The following SYNE1 variants were observed in gnomAD, a reference collection of about 807,000 sequenced individuals.
SYNE1 encodes the protein spectrin repeat containing nuclear envelope protein 1.
In SYNE1, 616 loss-of-function variants were observed where a neutral mutation model predicts 1,111.0. The observed-to-expected ratio is 0.55, with a 90% confidence interval of 0.52 to 0.59. The LOEUF (loss-of-function observed/expected upper bound fraction) is 0.59. Ranked by LOEUF, SYNE1 falls within the 20% of genes least tolerant of loss-of-function variation. The pLI is 0.00. For missense variants in SYNE1, 10,006 were observed against 10,417.0 expected (o/e 0.96, Z 1.72); for synonymous variants, 3,855 against 3,825.8 (o/e 1.01, Z -0.28).
chr6:152,633,214 T>A (rs1263449165), intron 2 of SYNE1, among the ~76,000 whole-genome samples: 1 of 152,188 alleles, frequency 6.6e-6, no homozygotes, highest in Non-Finnish European at 1.5e-5. Context: ...AATTGGAGAA[T>A]TTGATGGACA....
chr6:152,175,520 G>T (rs1468748171), intron 130 of SYNE1, among the ~76,000 whole-genome samples: 1 of 152,108 alleles, frequency 6.6e-6, no homozygotes, highest in Non-Finnish European at 1.5e-5. Context: ...TCTCCTAATT[G>T]CCATGAAGAA....
chr6:152,240,539 C>G (rs935192476), intron 107 of SYNE1, among the ~76,000 whole-genome samples: 6 of 152,126 alleles, frequency 3.9e-5, no homozygotes, highest in African/African-American at 1.4e-4. Context: ...TATAATAGAC[C>G]CTGGAGAATG....
chr6:152,164,428 G>A, intron 130 of SYNE1, 103 bp from the exon 131 acceptor site: 2 of 1,397,190 alleles, frequency 1.4e-6, no homozygotes, highest in Non-Finnish European at 2.0e-6. Context: ...TTTTTAGGCA[G>A]AGTTAGAAAC....
intron 3 of SYNE1, among the ~76,000 whole-genome samples, chr6:152,595,044 C>A (rs1372704874): frequency 1.3e-5 from 2 of 152,168 alleles, no homozygotes; most frequent in Admixed American, 1.3e-4. Flanking sequence ...CAGCCATCCT[C>A]TTCTCCTGTT....
intron 123 of SYNE1, among the ~76,000 whole-genome samples, chr6:152,212,090 G>A (rs112687520): frequency 0.014 from 2,096 of 151,928 alleles, 42 homozygotes; most frequent in African/African-American, 0.047. Flanking sequence ...AAGGTCCTTC[G>A]AATTATTTCT....
Position 152,455,432 on chromosome 6 carries a change from T to C in SYNE1, c.2886A>G (p.Arg962=), listed in dbSNP as rs781553464. Residue 962 remains arginine (R), a synonymous_variant, in exon 24 of 146, where the codon AGA becomes AGG. Transcript: ENST00000367255. ...EKGDPEELLR[R]HTEFFSQLDQ... Reference sequence around the variant, plus strand: ...CCCTAAAGGGTGGACTCACAGTGTGTCTCCGCAGGAGCTCCTCTGGATCCC... The same window carrying C: ...CCCTAAAGGGTGGACTCACAGTGTGCCTCCGCAGGAGCTCCTCTGGATCCC... 6.8e-6 allele frequency: 11 copies of C among 1,613,890 alleles called. No individual in the cohort carries two copies. The Admixed American group carries it at 1.3e-4, about 20-fold the overall frequency.
At chr6:152,297,995 CT>C (rs2094972852) in intron 93 of SYNE1, among the ~76,000 whole-genome samples, 1 of 152,104 alleles carries the variant, frequency 6.6e-6, no homozygotes, top group Admixed American at 6.5e-5. Flanking sequence ...AAAGTCAATA[CT>C]TGATGTAGTG....
In SYNE1 at chr6:152,233,979, A is replaced by T. The variant is rs2083385032; in HGVS notation, c.20530-16T>A. The T allele has an allele frequency of 6.2e-7, 1 of 1,613,194 alleles. No individual in the cohort carries two copies. Among genetic ancestry groups the T allele is most frequent in the Non-Finnish European group, 8.5e-7 (1 of 1,179,738 alleles). ...TAGAAAACTCCTGAAACAAGTAGCGATGTTCAAATTAGGGTTAAATAGCTA... is the reference window on the plus strand; with the variant it reads ...TAGAAAACTCCTGAAACAAGTAGCGTTGTTCAAATTAGGGTTAAATAGCTA... On this transcript the variant is annotated splice_polypyrimidine_tract_variant and intron_variant, in intron 111 of 145. Transcript: ENST00000367255.
chr6:152,235,920 T>C (rs2083916359), intron 110 of SYNE1, among the ~76,000 whole-genome samples, 187 bp downstream of exon 110: 3 of 152,066 alleles, frequency 2.0e-5, no homozygotes, highest in Admixed American at 1.3e-4. Context: ...TTGTAATTTT[T>C]TTGTAGAGAT....
At chr6:152,635,432 A>G (rs923789206) in intron 2 of SYNE1, among the ~76,000 whole-genome samples, 7 of 152,204 alleles carry the variant, frequency 4.6e-5, no homozygotes, top group Non-Finnish European at 1.0e-4. Flanking sequence ...GAAAAAATAG[A>G]TATGTATTTT....
rs138650597 is a variant in SYNE1, at chr6:152,334,187, C to T, written c.12615G>A (p.Ser4205=). 120 of 1,614,002 alleles carry T rather than the reference C, an allele frequency of 7.4e-5. No homozygotes were observed. Among genetic ancestry groups the T allele is most frequent in the Admixed American group, 3.5e-4 (21 of 59,996 alleles). ...KVNKLTKKEE[S]PEHKEINHLN... is the part of the protein sequence containing the mutation. ...AATGATTTATTTCCTTGTGTTCAGG[C>T]GATTCCTCCTTCTTTGTTAACTTAT... The change falls in exon 77 of 146, where the codon TCG becomes TCA. Residue 4205 remains serine, a synonymous_variant. Transcript: ENST00000367255.
Position 152,325,089 on chromosome 6 carries a change from T to G in SYNE1, c.15652A>C (p.Asn5218His). ...DAVDEWTGFN[N>H]KVKKATEMID... ...CCATGGACAGTGGAAACTACCTTGT[T>G]GTTAAAGCCCGTCCACTCATCCACT... is the stretch of plus-strand genomic sequence containing the variant. The change falls in exon 81 of 146, where the codon AAC (asparagine) becomes CAC (histidine). Residue 5218 changes from asparagine (N) to histidine (H), a missense_variant. This residue lies in a region of SYNE1 where 4,955 missense variants were observed against 5,017.2 expected (regional missense o/e 0.99). Coordinates refer to ENST00000367255, the MANE Select transcript of SYNE1 (RefSeq NM_182961.4). The G allele has an allele frequency of 6.2e-7, 1 of 1,613,944 alleles. No homozygotes were observed. Among genetic ancestry groups the G allele is most frequent in the Non-Finnish European group, 8.5e-7 (1 of 1,180,030 alleles).
intron 58 of SYNE1, among the ~76,000 whole-genome samples, chr6:152,375,843 G>A (rs887657273): frequency 3.3e-5 from 5 of 152,210 alleles, no homozygotes; most frequent in African/African-American, 1.2e-4. Flanking sequence ...TAAAAATAGT[G>A]TGCATTTATA....
intron 94 of SYNE1, 61 bp from the exon 95 acceptor site, chr6:152,293,810 A>G: frequency 1.2e-6 from 2 of 1,612,908 alleles, no homozygotes; most frequent in Non-Finnish European, 8.5e-7. Context: ...AGATTACAAC[A>G]TTTCTTTCTT....
chr6:152,241,393 C>T (rs1371435784), intron 107 of SYNE1, among the ~76,000 whole-genome samples: 1 of 152,050 alleles, frequency 6.6e-6, no homozygotes. Flanking sequence ...ACTTCTATAA[C>T]CCAATGGGAT....
intron 24 of SYNE1, among the ~76,000 whole-genome samples, chr6:152,454,286 A>G (rs948311869): frequency 1.3e-5 from 2 of 152,146 alleles, no homozygotes; most frequent in African/African-American, 4.8e-5. Context: ...CTTCAGACTC[A>G]TATGGTATTT....
At chr6:152,136,245 TG>T (rs1245715301) in intron 141 of SYNE1, among the ~76,000 whole-genome samples, 2 of 152,146 alleles carry the variant, frequency 1.3e-5, no homozygotes, top group South Asian at 2.1e-4. Flanking sequence ...ACAGTATGAA[TG>T]GAAAAACAAA....
chr6:152,299,870 G>A (rs2095081337), intron 93 of SYNE1, among the ~76,000 whole-genome samples: 1 of 151,958 alleles, frequency 6.6e-6, no homozygotes, highest in Admixed American at 6.6e-5. Flanking sequence ...TAATTTCATA[G>A]AATAGTTTAC....
Position 152,249,238 on chromosome 6 carries a change from AT to A in SYNE1, c.19494del (p.Ser6499HisfsTer21). The A allele has an allele frequency of 1.2e-6, 2 of 1,613,272 alleles. No individual in the cohort carries two copies. The highest frequency in any genetic ancestry group is 1.7e-6 in the Non-Finnish European group (2 of 1,179,220). On this transcript the variant is annotated frameshift_variant, in exon 105 of 146. Coordinates refer to ENST00000367255, the MANE Select transcript of SYNE1 (RefSeq NM_182961.4). LOFTEE classifies it high-confidence loss of function. ...ATGATGTATTTGTTGTCAGCCAGTG[AT>A]GTAAACAGCACTTTCAGATCATTCT... ...NFQNDLKVLF[T>X]SLADNKYIIL...
Sources: gnomAD v4.1 joint callset for allele counts (sites outside exome capture counted in the v4.1 genomes callset) on GRCh38, gnomAD v4.1.1 for gene constraint, gnomAD v4.1.1 regional missense constraint, MANE v1.5 for transcripts, NCBI Gene and HGNC (gene_info 2026-07-23, HGNC 2026-07-21) for gene names.